Variants in DPCD observed in about 807,000 individuals in gnomAD.
The protein encoded by DPCD is protein DPCD.
DPCD carries 20 observed loss-of-function variants against 26.4 expected under a neutral mutation model. The ratio of observed to expected loss-of-function variants is 0.76; its 90% CI spans 0.53 to 1.10. The LOEUF (loss-of-function observed/expected upper bound fraction) is 1.10, where lower values mean the gene tolerates loss of function less well. DPCD is among the 50% of genes least tolerant of loss of function. The pLI is 0.00. For missense variants in DPCD, 202 were observed against 253.9 expected, an observed-to-expected ratio of 0.80 and a Z score of 1.39; for synonymous variants, 97 against 94.2, an observed-to-expected ratio of 1.03 and a Z score of -0.17.
chr10:101,609,415 G>GAACTA lies in DPCD; in HGVS notation c.559_563dup (p.Lys188AsnfsTer2). On this transcript the variant is annotated frameshift_variant, in exon 6 of 6. Coordinates refer to ENST00000370151, the MANE Select transcript of DPCD (RefSeq NM_015448.3). LOFTEE classifies it high-confidence loss of function. ...GGTGGCCGAGTCTGAGCTACAGAAG[G>GAACTA]AACTAAAGAAGGTGAAGACAGCCCA... 6.2e-7 allele frequency: 1 copy of GAACTA among 1,614,130 alleles called. No individual in the cohort carries two copies. The highest frequency in any genetic ancestry group is 8.5e-7 in the Non-Finnish European group (1 of 1,180,012).
chr10:101,604,453 A>G (rs532780531), intron 4 of DPCD, among the ~76,000 whole-genome samples: 1 of 152,230 alleles, frequency 6.6e-6, no homozygotes, highest in African/African-American at 2.4e-5. Flanking sequence ...TTCTTTACCC[A>G]TACTTGCCTT....
chr10:101,607,693 A>G (rs1469512549), intron 4 of DPCD, among the ~76,000 whole-genome samples: 2 of 152,034 alleles, frequency 1.3e-5, no homozygotes, highest in Non-Finnish European at 2.9e-5. Context: ...CTGAAGTACT[A>G]AAAGCCCCAT....
chr10:101,601,074 A>G, intron 3 of DPCD, 129 bp from the exon 4 acceptor site: 2 of 1,487,246 alleles, frequency 1.3e-6, no homozygotes, highest in Non-Finnish European at 1.8e-6. Flanking sequence ...GTGCTGTAGC[A>G]ATAGCAGCGT....
At chr10:101,595,983 C>CCCCGTG (rs1268706550) in intron 2 of DPCD, among the ~76,000 whole-genome samples, 2 of 152,200 alleles carry the variant, frequency 1.3e-5, no homozygotes, top group African/African-American at 2.4e-5. Flanking sequence ...ACTCCCAGCC[C>CCCCGTG]CCCGTGCCAC....
chr10:101,600,605 C>T lies in DPCD; in HGVS notation c.146-133C>T. The T allele has an allele frequency of 7.3e-7, 1 of 1,362,366 alleles. No individual in the cohort carries two copies. The highest frequency in any genetic ancestry group is 9.9e-7 in the Non-Finnish European group (1 of 1,008,748). The allele number at this position is 1,362,366 out of a possible 1,614,324, so 84.4% of individuals were successfully genotyped here. On this transcript the variant is annotated intron_variant, in intron 2 of 5. Coordinates refer to ENST00000370151, the MANE Select transcript of DPCD (RefSeq NM_015448.3). This position sits in a 1 kb window ranked among gnomAD's most constrained non-coding sequence, Gnocchi z 4.7. ...GATTAACAAAGCTGAGAGTAAAGGC[C>T]CAACACTCCCACTTTCATCTTGTGC...
Position 101,594,749 on chromosome 10 carries a change from G to C in DPCD, c.145+11G>C, listed in dbSNP as rs1481962884. ...CGAGTGAACTACTTGGTAAGTGACAGAGGCTCCCAGTGGGCCTTTAGTAAT... is the reference window on the plus strand; with the variant it reads ...CGAGTGAACTACTTGGTAAGTGACACAGGCTCCCAGTGGGCCTTTAGTAAT... On this transcript the variant is annotated intron_variant, in intron 2 of 5. Transcript: ENST00000370151. The C allele has an allele frequency of 6.2e-7, 1 of 1,613,596 alleles. No individual in the cohort carries two copies. The highest frequency in any genetic ancestry group is 8.5e-7 in the Non-Finnish European group (1 of 1,179,598).
chr10:101,597,751 T>C (rs1442698928), intron 2 of DPCD, among the ~76,000 whole-genome samples: 1 of 152,192 alleles, frequency 6.6e-6, no homozygotes, highest in East Asian at 1.9e-4. Context: ...TGACAGCAGA[T>C]GGAAACAGTC....
chr10:101,603,640 C>G lies in DPCD; in HGVS notation c.404+2304C>G, dbSNP rs2063714290. ...GGCGTGGTGGTGCATGCCTGTAGTC[C>G]CAGCTACTCGGGAGGCTGAGGAAGG... On this transcript the variant is annotated intron_variant, in intron 4 of 5. Transcript: ENST00000370151. The surrounding 1 kb of genome is among the most constrained non-coding windows in gnomAD (Gnocchi z 4.6). Among the ~76,000 whole-genome samples, 1 of 151,898 alleles carries G rather than the reference C, an allele frequency of 6.6e-6. No individual in the cohort carries two copies. The highest frequency in any genetic ancestry group is 2.4e-5 in the African/African-American group (1 of 41,360).
At chr10:101,594,515 G>A in intron 1 of DPCD, 143 bp from the exon 2 acceptor site, 1 of 706,264 alleles carries the variant, frequency 1.4e-6, no homozygotes, top group Non-Finnish European at 2.5e-6. Context: ...GGTGGGTGGT[G>A]GTTGGCAAGG....
At chr10:101,592,674 C>T (rs189835027) in intron 1 of DPCD, among the ~76,000 whole-genome samples, 27 of 149,146 alleles carry the variant, frequency 1.8e-4, no homozygotes, top group Non-Finnish European at 2.7e-4. Context: ...GAGCCGAGAT[C>T]ACACCACTGC....
At chr10:101,596,452 T>C (rs533088681) in intron 2 of DPCD, 4 of 152,374 alleles carry the variant, frequency 2.6e-5, no homozygotes, top group African/African-American at 9.6e-5. Flanking sequence ...TTGAGAATTA[T>C]GTAGCTAGTT....
At chr10:101,595,654 T>C (rs1053846568) in intron 2 of DPCD, among the ~76,000 whole-genome samples, 2 of 152,190 alleles carry the variant, frequency 1.3e-5, no homozygotes, top group Non-Finnish European at 2.9e-5. Context: ...TTGCATTCCC[T>C]CAGTCTCCAG....
At chr10:101,590,444 T>C (rs992540796) in intron 1 of DPCD, among the ~76,000 whole-genome samples, 2 of 152,196 alleles carry the variant, frequency 1.3e-5, no homozygotes, top group African/African-American at 4.8e-5. Flanking sequence ...TTGTTTTTAT[T>C]GTGGTAATAA....
intron 1 of DPCD, among the ~76,000 whole-genome samples, chr10:101,593,681 C>T (rs755540491): frequency 3.3e-5 from 5 of 152,040 alleles, no homozygotes; most frequent in East Asian, 1.9e-4. Context: ...CTCCGCCTCC[C>T]GGGTTCAAGC....
chr10:101,596,263 G>A (rs1388439584), intron 2 of DPCD, among the ~76,000 whole-genome samples: 1 of 151,608 alleles, frequency 6.6e-6, no homozygotes, highest in Non-Finnish European at 1.5e-5. Flanking sequence ...GGAGAACACT[G>A]TTTGGCTAAA....
intron 4 of DPCD, among the ~76,000 whole-genome samples, chr10:101,602,493 A>G (rs1589727411): frequency 6.6e-6 from 1 of 152,384 alleles, no homozygotes; most frequent in East Asian, 1.9e-4. Context: ...ATTGCTGTAC[A>G]TGCAGCCAGC....
intron 4 of DPCD, chr10:101,605,315 T>G (rs1416699144): frequency 6.7e-7 from 1 of 1,492,550 alleles, no homozygotes; most frequent in Non-Finnish European, 8.9e-7. Context: ...GGTGCCCTTT[T>G]GGGTTGAAAG....
chr10:101,591,945 C>T (rs1347586681), intron 1 of DPCD, among the ~76,000 whole-genome samples: 42 of 152,164 alleles, frequency 2.8e-4, no homozygotes, highest in Admixed American at 2.7e-3. Flanking sequence ...ATCGGCTTCC[C>T]AAAGGGCTGA....
rs188708077 is a variant in DPCD at position 101,600,650 on chromosome 10, C to T, written c.146-88C>T. The T allele has an allele frequency of 6.5e-5, 99 of 1,524,410 alleles. No homozygotes were observed. In the East Asian group the frequency reaches 1.0e-3, roughly 16 times the overall value. The allele number at this position is 1,524,410 out of a possible 1,614,324, so 94.4% of individuals were successfully genotyped here. On this transcript the variant is annotated intron_variant, in intron 2 of 5. Transcript: ENST00000370151. This position sits in a 1 kb window ranked among gnomAD's most constrained non-coding sequence, Gnocchi z 4.7. Reference sequence around the variant, plus strand: ...TTGTGCTAGTTACCTAGTGTGGTGCCGGTGATTCAGCAGAAAAGAGCAGAG... The same window carrying T: ...TTGTGCTAGTTACCTAGTGTGGTGCTGGTGATTCAGCAGAAAAGAGCAGAG...
Sources: gnomAD v4.1 joint callset for allele counts (sites outside exome capture counted in the v4.1 genomes callset) on GRCh38, gnomAD v4.1.1 for gene constraint, Gnocchi (gnomAD v3.1) non-coding constraint, MANE v1.5 for transcripts, NCBI Gene and HGNC (gene_info 2026-07-23, HGNC 2026-07-21) for gene names.